ST3GAL3: variants seen among roughly 807,000 people sequenced by gnomAD.
The protein encoded by ST3GAL3 is CMP-N-acetylneuraminate-beta-1,4-galactoside alpha-2,3-sialyltransferase.
Under a neutral mutation model 50.1 loss-of-function variants are expected in ST3GAL3, and 21 were observed. The observed-to-expected ratio is 0.42, with a 90% CI of 0.30 to 0.60. The LOEUF is 0.60. Ranked by LOEUF, ST3GAL3 falls within the 20% of genes least tolerant of loss-of-function variation. ST3GAL3 has a pLI of 0.19. For synonymous variants in ST3GAL3, 183 were observed against 190.0 expected, an observed-to-expected ratio of 0.96 and a Z score of 0.30; for missense variants, 353 against 489.4, an observed-to-expected ratio of 0.72 and a Z score of 2.63.
intron 1 of ST3GAL3, among the ~76,000 whole-genome samples, chr1:43,713,710 GT>G (rs1372688011): frequency 6.6e-6 from 1 of 151,676 alleles, no homozygotes; most frequent in South Asian, 2.1e-4. Context: ...AATTTTTTGT[GT>G]TTTTTATAGA....
At chr1:43,752,742 A>G (rs1686653134) in intron 2 of ST3GAL3, among the ~76,000 whole-genome samples, 1 of 152,084 alleles carries the variant, frequency 6.6e-6, no homozygotes, top group African/African-American at 2.4e-5. Flanking sequence ...GGCTCAAGCG[A>G]TCCTCCCACC....
intron 2 of ST3GAL3, among the ~76,000 whole-genome samples, chr1:43,755,418 T>G (rs558388613): frequency 6.6e-6 from 1 of 152,222 alleles, no homozygotes; most frequent in Non-Finnish European, 1.5e-5. Context: ...AGTACATTGG[T>G]ACAGCCATTC....
At chr1:43,773,069 A>G (rs1695912575) in intron 2 of ST3GAL3, among the ~76,000 whole-genome samples, 1 of 152,210 alleles carries the variant, frequency 6.6e-6, no homozygotes, top group Non-Finnish European at 1.5e-5. Flanking sequence ...TTTTTAAAAA[A>G]ATCACTCTAT....
intron 11 of ST3GAL3, among the ~76,000 whole-genome samples, chr1:43,925,463 G>C (rs1411207638): frequency 6.6e-6 from 1 of 152,124 alleles, no homozygotes. Flanking sequence ...TGTAAAAAAG[G>C]CCTGCCACGT....
At chr1:43,844,744 G>A (rs1020519133) in intron 5 of ST3GAL3, among the ~76,000 whole-genome samples, 18 of 151,954 alleles carry the variant, frequency 1.2e-4, no homozygotes, top group African/African-American at 3.1e-4. Flanking sequence ...GGAGAATGGC[G>A]TGAACCCGGG....
chr1:43,860,860 T>C (rs1443876913), intron 5 of ST3GAL3, among the ~76,000 whole-genome samples: 5 of 152,248 alleles, frequency 3.3e-5, no homozygotes, highest in Admixed American at 3.3e-4. Context: ...TTCAGACCTT[T>C]TCTGAGGGTA....
At chr1:43,711,116 A>G (rs1167608358) in intron 1 of ST3GAL3, among the ~76,000 whole-genome samples, 1 of 152,264 alleles carries the variant, frequency 6.6e-6, no homozygotes, top group Non-Finnish European at 1.5e-5. Flanking sequence ...AGAGATCTGT[A>G]TTGACATAGA....
At chr1:43,880,407 C>A (rs2074903405) in intron 5 of ST3GAL3, among the ~76,000 whole-genome samples, 2 of 152,288 alleles carry the variant, frequency 1.3e-5, no homozygotes, top group South Asian at 2.1e-4. Flanking sequence ...TCTTCACATC[C>A]TCCTCCCTTT....
chr1:43,916,549 T>A (rs2081834954), intron 9 of ST3GAL3: 1 of 152,146 alleles, frequency 6.6e-6, no homozygotes, highest in Non-Finnish European at 1.5e-5. Context: ...CCAACAACAG[T>A]GTTGGTTACA....
At chr1:43,858,379 T>A in intron 5 of ST3GAL3, 1 of 1,194,888 alleles carries the variant, frequency 8.4e-7, no homozygotes, top group Non-Finnish European at 1.1e-6. Context: ...AGTTCCAGGC[T>A]CCAGCCTAGG....
chr1:43,884,437 C>T (rs771737858), intron 5 of ST3GAL3, among the ~76,000 whole-genome samples: 9 of 152,312 alleles, frequency 5.9e-5, no homozygotes, highest in Middle Eastern at 3.4e-3. Flanking sequence ...AGAAAGTGTT[C>T]GCATTACTTG....
chr1:43,859,341 T>A (rs918733815), intron 5 of ST3GAL3, among the ~76,000 whole-genome samples: 2 of 152,072 alleles, frequency 1.3e-5, no homozygotes, highest in African/African-American at 4.8e-5. Flanking sequence ...AACAGAAGAT[T>A]GGGGCTGGGC....
intron 6 of ST3GAL3, among the ~76,000 whole-genome samples, chr1:43,895,928 T>C (rs1364098964): frequency 6.6e-6 from 1 of 152,208 alleles, no homozygotes; most frequent in Non-Finnish European, 1.5e-5. Flanking sequence ...GCTGAGATTT[T>C]CCTCCTAGAA....
At chr1:43,921,163 G>A (rs1281356645) in intron 11 of ST3GAL3, among the ~76,000 whole-genome samples, 2 of 151,930 alleles carry the variant, frequency 1.3e-5, no homozygotes, top group Non-Finnish European at 2.9e-5. Flanking sequence ...CCTCCCCCTC[G>A]CTGCATTCCC....
chr1:43,734,361 G>C (rs1455794009), intron 1 of ST3GAL3, among the ~76,000 whole-genome samples: 1 of 131,642 alleles, frequency 7.6e-6, no homozygotes, highest in Non-Finnish European at 1.6e-5. Flanking sequence ...CTGGAGTACA[G>C]TGGCACGCTC....
At chr1:43,812,034 T>C (rs1180196722) in intron 3 of ST3GAL3, among the ~76,000 whole-genome samples, 1 of 152,218 alleles carries the variant, frequency 6.6e-6, no homozygotes, top group Non-Finnish European at 1.5e-5. Flanking sequence ...ATTTTCTTTC[T>C]AGCATCCTGT....
intron 5 of ST3GAL3, among the ~76,000 whole-genome samples, chr1:43,863,143 T>C (rs540472333): frequency 3.3e-5 from 5 of 152,166 alleles, no homozygotes; most frequent in African/African-American, 1.2e-4. Context: ...GCTCACTGTC[T>C]GGGGGAAGTA....
At chr1:43,786,841 A>T (rs1047150397) in intron 2 of ST3GAL3, among the ~76,000 whole-genome samples, 4 of 152,032 alleles carry the variant, frequency 2.6e-5, no homozygotes. Flanking sequence ...GTTTAGCTTT[A>T]TATGTATTTT....
Position 43,815,143 on chromosome 1 carries a change from G to A in ST3GAL3, c.209+210G>A, listed in dbSNP as rs544348150. ...TGATGGGTGCAAACATAAGGCCTTC[G>A]ATTTGGCTGGCACAGGCAGCTCATT... On this transcript the variant is annotated intron_variant, in intron 4 of 11. Coordinates refer to ENST00000347631, the MANE Select transcript of ST3GAL3 (RefSeq NM_006279.5). The A allele has an allele frequency of 9.0e-5, 56 of 623,164 alleles. 1 individual carries two copies. The highest frequency in any genetic ancestry group is 1.6e-4 in the Admixed American group (6 of 36,534). The allele number at this position is 623,164 out of a possible 1,614,324, so 38.6% of individuals were successfully genotyped here.
Sources: gnomAD v4.1 joint callset for allele counts (sites outside exome capture counted in the v4.1 genomes callset) on GRCh38, gnomAD v4.1.1 for gene constraint, MANE v1.5 for transcripts, NCBI Gene and HGNC (gene_info 2026-07-23, HGNC 2026-07-21) for gene names.